Variants in OFD1 observed in about 807,000 individuals in gnomAD.
OFD1 encodes the protein OFD1 centriole and centriolar satellite protein.
OFD1 carries 12 observed loss-of-function variants against 81.4 expected under a neutral mutation model. The ratio of observed to expected loss-of-function variants is 0.15; its 90% CI spans 0.09 to 0.24. The LOEUF (loss-of-function observed/expected upper bound fraction) is 0.24, where lower values mean the gene tolerates loss of function less well. Ranked by LOEUF, OFD1 falls within the 10% of genes least tolerant of loss-of-function variation. OFD1 has a pLI of 1.00. For synonymous variants in OFD1, 256 were observed against 263.7 expected (o/e 0.97, Z 0.28); for missense variants, 685 against 733.9 (o/e 0.93, Z 0.77).
intron 13 of OFD1, 108 bp from the exon 14 acceptor site, chrX:13,757,552 A>G (rs1190722362): frequency 1.2e-6 from 1 of 835,051 alleles, no homozygotes; most frequent in Non-Finnish European, 1.7e-6. Context: ...TTGAGTCAGT[A>G]CAAAGCAAAG....
chrX:13,736,217 T>C (rs2046858983), intron 2 of OFD1: 1 of 947,855 alleles, frequency 1.1e-6, no homozygotes, highest in African/African-American at 2.0e-5. Context: ...TGCAAGTGGA[T>C]CTGGCTAACC....
chrX:13,716,394 A>C, the OFD1 span: 1 of 779,063 alleles, frequency 1.3e-6, no homozygotes. Context: ...AAAAAAGAAA[A>C]GTAGCCCCAT....
In OFD1 at chrX:13,751,269, A is replaced by C. The variant is rs767534734; in HGVS notation, c.956A>C (p.Glu319Ala). The C allele has an allele frequency of 5.0e-6, 6 of 1,207,971 alleles. No individual in the cohort carries two copies. In the South Asian group the frequency reaches 1.1e-4, roughly 21 times the overall value. The change falls in exon 10 of 23, where the codon GAA becomes GCA. Residue 319 changes from glutamate (E) to alanine (A), a missense_variant. By Grantham distance (107) the Glu-to-Ala change is moderately radical. Coordinates refer to ENST00000340096, the MANE Select transcript of OFD1 (RefSeq NM_003611.3). Reference sequence around the variant, plus strand: ...TTCAGGAACCAGAAGCTCCAGGAAGAAAAACATAAAAGCATAACTGAGGCA... The same window carrying C: ...TTCAGGAACCAGAAGCTCCAGGAAGCAAAACATAAAAGCATAACTGAGGCA... Reference protein sequence around the residue: ...AFELNQKLQEEKHKSITEALR... With the variant: ...AFELNQKLQEAKHKSITEALR...
At chrX:13,726,396 C>G in the OFD1 span, among the ~76,000 whole-genome samples, 1 of 112,224 alleles carries the variant, frequency 8.9e-6, no homozygotes, top group Non-Finnish European at 1.9e-5. Flanking sequence ...GCCCATCAGA[C>G]TAACAGCAGA....
chrX:13,752,080 A>C (rs2047524609), intron 10 of OFD1, among the ~76,000 whole-genome samples: 1 of 112,226 alleles, frequency 8.9e-6, no homozygotes, highest in Admixed American at 9.4e-5. Context: ...ACTAGTGGTC[A>C]TAGTATTTGT....
intron 16 of OFD1, 103 bp downstream of exon 16, chrX:13,760,823 G>A (rs2047900407): frequency 4.8e-6 from 5 of 1,047,955 alleles, no homozygotes; most frequent in Non-Finnish European, 6.6e-6. Context: ...GAGTGGCAAG[G>A]TCTAGTGTTT....
chrX:13,757,610 A>G (rs1474009854), intron 13 of OFD1, 50 bp from the exon 14 acceptor site: 1 of 1,177,145 alleles, frequency 8.5e-7, no homozygotes, highest in Non-Finnish European at 1.1e-6. Context: ...AAATAAGAAA[A>G]CTTAAGGTTG....
chrX:13,763,889 G>A lies in OFD1; in HGVS notation c.2599+34G>A, dbSNP rs191772761. 4.5e-4 allele frequency: 461 copies of A among 1,019,169 alleles called. 1 individual carries two copies. The African/African-American group carries it at 6.1e-3, about 13-fold the overall frequency. 84.0% of individuals were successfully genotyped at this position (1,019,169 alleles called of 1,213,427 possible). A position where few individuals can be genotyped will look rare whatever the true frequency, so the allele number is the denominator to read the frequency against. On this transcript the variant is annotated intron_variant, in intron 19 of 22. Transcript: ENST00000340096. ...TTTTTTTGAACTAACAGTCAGCAGG[G>A]TCGCATACTAAATACCAGTCCGTGT...
At position 13,735,004 on chromosome X, in the gene OFD1, C is replaced by A. The variant is rs1039829942; in HGVS notation, c.-68C>A. On this transcript the variant is annotated 5_prime_UTR_variant, in exon 1 of 23. Coordinates refer to ENST00000340096, the MANE Select transcript of OFD1 (RefSeq NM_003611.3). ...TCCCCCTCGTCTTGGCCCCACCGCC[C>A]GGGCTGGGCACTAAACTCGGGCCGC... is the stretch of plus-strand genomic sequence containing the variant. The A allele has an allele frequency of 6.4e-5, 75 of 1,166,972 alleles. No homozygotes were observed. In the African/African-American group the frequency reaches 1.1e-3, roughly 18 times the overall value.
upstream of OFD1, among the ~76,000 whole-genome samples, chrX:13,733,814 T>C (rs1380387792): frequency 3.6e-5 from 4 of 110,273 alleles, no homozygotes; most frequent in African/African-American, 1.3e-4. Flanking sequence ...TCCTTTTTGC[T>C]CACCACCCGA....
chrX:13,730,552 C>T (rs2046653328), upstream of OFD1, among the ~76,000 whole-genome samples: 1 of 111,479 alleles, frequency 9.0e-6, no homozygotes, highest in Non-Finnish European at 1.9e-5. Flanking sequence ...TTTGACCCAG[C>T]AAACTTATTG....
chrX:13,761,102 A>G lies in OFD1; in HGVS notation c.2278A>G (p.Ile760Val), dbSNP rs771240624. The change falls in exon 17 of 23, where the codon ATT (isoleucine) becomes GTT (valine). Residue 760 changes from isoleucine (I) to valine (V), a missense_variant. By Grantham distance (29) the Ile-to-Val change is conservative. Around this residue, in one of 3 missense-constraint regions of OFD1, gnomAD observed 259 missense variants for 254.4 expected, o/e 1.02. Transcript: ENST00000340096. ...CACCTTAGGTCTGGGCAGATCACAC[A>G]TTGCTTCCCCCAGTCCTTGTCCTGA... is the stretch of plus-strand genomic sequence containing the variant. ...MYLEGLGRSHIASPSPCPDRM... is the reference protein window; with the variant it reads ...MYLEGLGRSHVASPSPCPDRM... The G allele has an allele frequency of 6.6e-6, 8 of 1,211,021 alleles. No individual in the cohort carries two copies. The highest frequency in any genetic ancestry group is 7.8e-6 in the Non-Finnish European group (7 of 895,182).
the OFD1 span, chrX:13,721,679 G>A: frequency 2.7e-5 from 3 of 109,836 alleles, no homozygotes; most frequent in East Asian, 8.6e-4. Context: ...GGCACAGCTG[G>A]CACTTTTAAC....
In OFD1 at chrX:13,735,053, C is replaced by G. The variant is rs377742225; in HGVS notation, c.-19C>G. 74 of 1,187,217 alleles carry G rather than the reference C, an allele frequency of 6.2e-5. No individual in the cohort carries two copies. Among genetic ancestry groups the G allele is most frequent in the Middle Eastern group, 5.3e-4 (2 of 3,779 alleles). On this transcript the variant is annotated 5_prime_UTR_variant, in exon 1 of 23. Transcript: ENST00000340096. The stretch of plus-strand genomic sequence containing the variant: ...GCGGCGGGGCGAGCGAGGCGGGCTC[C>G]GGAGGGAGCTGACGCCTGATGATGG...
At position 13,760,265 on chromosome X, in the gene OFD1, G is replaced by A. The variant is rs745573598; in HGVS notation, c.1805G>A (p.Arg602His). The change falls in exon 16 of 23, where the codon CGT becomes CAT. Residue 602 changes from arginine to histidine, a missense_variant. Transcript: ENST00000340096. The stretch of plus-strand genomic sequence containing the variant: ...TTTAAACAGGAAAACGTTCTAGCAC[G>A]TATGGTTGCATCAAGGATCACAAAT... The part of the protein sequence containing the change: ...NPFKQENVLA[R>H]MVASRITNYP... 4 of 1,211,837 alleles carry A rather than the reference G, an allele frequency of 3.3e-6. No individual in the cohort carries two copies. The highest frequency in any genetic ancestry group is 1.8e-5 in the South Asian group (1 of 57,023).
rs2047452514 is a variant in OFD1 at position 13,750,282 on chromosome X, G to C, written c.935+749G>C. On this transcript the variant is annotated intron_variant, in intron 9 of 22. Coordinates refer to ENST00000340096, the MANE Select transcript of OFD1 (RefSeq NM_003611.3). ...AATAGGCACAAAATTGGGGCAGAGA[G>C]AGTTCATCATTCCTTTACCTCCATT... is the stretch of plus-strand genomic sequence containing the variant. 5.4e-5 allele frequency among the ~76,000 whole-genome samples: 6 copies of C among 112,037 alleles called. No homozygotes were observed. In the South Asian group the frequency reaches 2.2e-3, roughly 42 times the overall value.
intron 14 of OFD1, 30 bp from the exon 15 acceptor site, chrX:13,758,307 G>T (rs981563605): frequency 2.0e-6 from 2 of 988,063 alleles, no homozygotes; most frequent in Non-Finnish European, 1.4e-6. Context: ...GTTTTACATT[G>T]ATTTCTTTTC....
intron 3 of OFD1, 69 bp downstream of exon 3, chrX:13,736,747 C>G: frequency 1.2e-6 from 1 of 831,328 alleles, no homozygotes; most frequent in Non-Finnish European, 1.8e-6. Flanking sequence ...CAGTAAAGTG[C>G]TGTATGATAG....
intron 17 of OFD1, among the ~76,000 whole-genome samples, chrX:13,761,891 C>T (rs1363807751): frequency 1.0e-5 from 1 of 98,213 alleles, no homozygotes; most frequent in Non-Finnish European, 2.0e-5. Context: ...ATGGGCCTGT[C>T]GTAGTCCTAA....
Sources: gnomAD v4.1 joint callset for allele counts (sites outside exome capture counted in the v4.1 genomes callset) on GRCh38, gnomAD v4.1.1 for gene constraint, gnomAD v4.1.1 regional missense constraint, MANE v1.5 for transcripts, NCBI Gene and HGNC (gene_info 2026-07-23, HGNC 2026-07-21) for gene names.